Variants in PDE1A observed in about 807,000 individuals in gnomAD.
PDE1A encodes the protein phosphodiesterase 1A, also known as dual specificity calcium/calmodulin-dependent 3',5'-cyclic nucleotide phosphodiesterase 1A.
In PDE1A, 35 loss-of-function variants were observed where a neutral mutation model predicts 61.7. The ratio of observed to expected loss-of-function variants is 0.57; its 90% CI spans 0.43 to 0.75. The LOEUF (loss-of-function observed/expected upper bound fraction) is 0.75. Among genes scored for constraint, PDE1A ranks in the 30% least tolerant of loss-of-function variants. The pLI is 0.00. For synonymous variants in PDE1A, 232 were observed against 213.2 expected, an observed-to-expected ratio of 1.09 and a Z score of -0.77; for missense variants, 597 against 630.6, an observed-to-expected ratio of 0.95 and a Z score of 0.57.
chr2:182,583,098 TTG>T, the PDE1A span, among the ~76,000 whole-genome samples: 1 of 152,174 alleles, frequency 6.6e-6, no homozygotes, highest in Non-Finnish European at 1.5e-5. Flanking sequence ...AAACAGCTGC[TTG>T]TTCACCTGCT....
chr2:182,258,287 T>G (rs1159598060), intron 2 of PDE1A, among the ~76,000 whole-genome samples: 1 of 152,174 alleles, frequency 6.6e-6, no homozygotes, highest in Non-Finnish European at 1.5e-5. Context: ...GGGATTGAAC[T>G]CATGCTTGGG....
chr2:182,545,760 G>T, the PDE1A span, among the ~76,000 whole-genome samples: 1 of 152,120 alleles, frequency 6.6e-6, no homozygotes, highest in Non-Finnish European at 1.5e-5. Context: ...ACAGTGAAAG[G>T]CCAAATCTGT....
At chr2:182,221,582 T>C (rs1219964106) in intron 7 of PDE1A, among the ~76,000 whole-genome samples, 1 of 152,044 alleles carries the variant, frequency 6.6e-6, no homozygotes, top group African/African-American at 2.4e-5. Flanking sequence ...TGTATCAATC[T>C]CTGGGACCCT....
chr2:182,384,488 T>TAATAAA (rs1553606062), intron 1 of PDE1A, among the ~76,000 whole-genome samples: 21 of 143,810 alleles, frequency 1.5e-4, no homozygotes, highest in African/African-American at 5.0e-4. Flanking sequence ...ATAATAATAA[T>TAATAAA]AAAATAGAAA....
the PDE1A span, among the ~76,000 whole-genome samples, chr2:182,640,914 G>T: frequency 3.3e-5 from 5 of 151,292 alleles, no homozygotes; most frequent in South Asian, 1.0e-3. Context: ...CAGCCACCTG[G>T]GAGGCTGAGG....
intron 1 of PDE1A, among the ~76,000 whole-genome samples, chr2:182,335,033 C>G (rs1051921580): frequency 5.3e-5 from 8 of 152,094 alleles, no homozygotes; most frequent in Non-Finnish European, 1.2e-4. Flanking sequence ...ACAATTTCTA[C>G]AAGGAGAATA....
At chr2:182,329,570 T>C (rs1161024286) in intron 1 of PDE1A, among the ~76,000 whole-genome samples, 1 of 152,148 alleles carries the variant, frequency 6.6e-6, no homozygotes. Context: ...TTTGTATTTT[T>C]AGTAGAAAGG....
the PDE1A span, among the ~76,000 whole-genome samples, chr2:182,580,282 T>C: frequency 6.6e-6 from 1 of 152,150 alleles, no homozygotes; most frequent in Non-Finnish European, 1.5e-5. Flanking sequence ...GAAGTTTAAA[T>C]AACAGAAATT....
intron 2 of PDE1A, among the ~76,000 whole-genome samples, chr2:182,465,843 T>C (rs1686622296): frequency 6.6e-6 from 1 of 152,132 alleles, no homozygotes; most frequent in Non-Finnish European, 1.5e-5. Context: ...CATATCCATT[T>C]TGATGATGAG....
chr2:182,185,621 C>G (rs1005919179), intron 13 of PDE1A, among the ~76,000 whole-genome samples: 1 of 152,224 alleles, frequency 6.6e-6, no homozygotes, highest in African/African-American at 2.4e-5. Context: ...AGTTTTGTCA[C>G]CATTTCATTA....
chr2:182,417,741 G>T lies in PDE1A; in HGVS notation c.53+8837C>A, dbSNP rs138724246. 9.3e-3 allele frequency among the ~76,000 whole-genome samples: 1,419 copies of T among 152,140 alleles called. 25 individuals carry two copies. The highest frequency in any genetic ancestry group is 0.032 in the African/African-American group (1,329 of 41,510). Reference sequence around the variant, plus strand: ...TGTAAATTATATCATCAAGGAAATGGGTCCCAAATCTAGCAATGAATCAGA... The same window carrying T: ...TGTAAATTATATCATCAAGGAAATGTGTCCCAAATCTAGCAATGAATCAGA... On this transcript the variant is annotated intron_variant, in intron 1 of 13. Transcript: ENST00000351439.
At chr2:182,472,721 C>T (rs1271136244) in intron 2 of PDE1A, among the ~76,000 whole-genome samples, 1 of 151,678 alleles carries the variant, frequency 6.6e-6, no homozygotes, top group Non-Finnish European at 1.5e-5. Flanking sequence ...TAAAAAAGCT[C>T]ATTTCCACAT....
chr2:182,323,366 T>A lies in PDE1A; in HGVS notation c.54-58952A>T, dbSNP rs772469130. On this transcript the variant is annotated intron_variant, in intron 1 of 13. Coordinates refer to ENST00000351439, the Ensembl canonical transcript of PDE1A. ...ATAAGAGATTAGCTATTTCTATCAATGGGACTCAGTCACAAGAGTTCTAAA... is the reference window on the plus strand; with the variant it reads ...ATAAGAGATTAGCTATTTCTATCAAAGGGACTCAGTCACAAGAGTTCTAAA... 1.9e-4 allele frequency among the ~76,000 whole-genome samples: 29 copies of A among 152,186 alleles called. 1 individual carries two copies. Among genetic ancestry groups the A allele is most frequent in the Non-Finnish European group, 2.9e-5 (2 of 68,022 alleles).
chr2:182,422,301 A>G (rs1272836658), intron 1 of PDE1A, among the ~76,000 whole-genome samples: 2 of 152,230 alleles, frequency 1.3e-5, no homozygotes, highest in Non-Finnish European at 2.9e-5. Flanking sequence ...AGTTTAACAT[A>G]TAAGAATCAT....
intron 13 of PDE1A, among the ~76,000 whole-genome samples, chr2:182,153,297 T>C (rs1054839570): frequency 1.3e-5 from 2 of 152,158 alleles, no homozygotes; most frequent in African/African-American, 2.4e-5. Flanking sequence ...AGGTTGTATA[T>C]GTTTTGTTGG....
At chr2:182,201,972 T>C (rs996196954) in intron 8 of PDE1A, among the ~76,000 whole-genome samples, 183 bp from the exon 9 acceptor site, 2 of 152,198 alleles carry the variant, frequency 1.3e-5, no homozygotes, top group Admixed American at 6.5e-5. Context: ...TTAACTGTCA[T>C]GGATCTAAGA....
chr2:182,564,460 C>A, the PDE1A span, among the ~76,000 whole-genome samples: 1 of 150,970 alleles, frequency 6.6e-6, no homozygotes, highest in Non-Finnish European at 1.5e-5. Flanking sequence ...GTGGGTAACC[C>A]GACCTTTCTC....
intron 1 of PDE1A, among the ~76,000 whole-genome samples, chr2:182,267,429 G>GCA (rs67567300): frequency 0.03 from 4,425 of 146,902 alleles, 104 homozygotes; most frequent in South Asian, 0.079. Flanking sequence ...ATGCACACAT[G>GCA]CACACACACA....
rs1198057830 is a variant in PDE1A at position 182,399,494 on chromosome 2, T to C, written c.53+27084A>G. ...TATTGTAAAAGGTTTTAAAATGGTA[T>C]ACATTAGTATGTAAGTTTAAAAATG... On this transcript the variant is annotated intron_variant, in intron 1 of 13. Transcript: ENST00000351439. 2.0e-5 allele frequency among the ~76,000 whole-genome samples: 3 copies of C among 152,120 alleles called. No individual in the cohort carries two copies. In the East Asian group the frequency reaches 5.8e-4, roughly 29 times the overall value.
Sources: gnomAD v4.1 joint callset for allele counts (sites outside exome capture counted in the v4.1 genomes callset) on GRCh38, gnomAD v4.1.1 for gene constraint, MANE v1.5 for transcripts, NCBI Gene and HGNC (gene_info 2026-07-23, HGNC 2026-07-21) for gene names.